The following MMD2 variants were observed in gnomAD, a reference collection of about 807,000 sequenced individuals.
MMD2 encodes the protein monocyte to macrophage differentiation associated 2, also known as monocyte to macrophage differentiation factor 2.
Under a neutral mutation model 33.5 loss-of-function variants are expected in MMD2, and 30 were observed. The observed-to-expected ratio is 0.90, with a 90% CI of 0.67 to 1.22. The LOEUF is 1.22. Ranked by LOEUF, MMD2 falls within the 50% of genes most tolerant of loss-of-function variation. MMD2 has a pLI of 0.00. For missense variants in MMD2, 364 were observed against 325.4 expected (o/e 1.12, Z -0.91); for synonymous variants, 129 against 123.0 (o/e 1.05, Z -0.32).
intron 1 of MMD2, among the ~76,000 whole-genome samples, chr7:4,933,929 G>A (rs1459582803): frequency 2.1e-5 from 3 of 144,566 alleles, no homozygotes; most frequent in Non-Finnish European, 3.0e-5. Flanking sequence ...CACTGTGCCC[G>A]GCCACAATGC....
Position 4,920,300 on chromosome 7 carries a change from G to C in MMD2, c.161C>G (p.Ser54Cys), listed in dbSNP as rs575756752. Residue 54 changes from serine (S) to cysteine (C), a missense_variant, in exon 3 of 7, where the codon TCC (serine) becomes TGC (cysteine). Coordinates refer to ENST00000401401, the MANE Select transcript of MMD2 (RefSeq NM_198403.4). Reference protein sequence around the residue: ...FWIIPSILGSSNLYFLSDDDW... With the variant: ...FWIIPSILGSCNLYFLSDDDW... ...ATCGTCCGACAGGAAGTAGAGGTTG[G>C]AGCTGCCCAGGATGCTGGGGATGAT... 2 of 1,609,418 alleles carry C rather than the reference G, an allele frequency of 1.2e-6. No homozygotes were observed. Among genetic ancestry groups the C allele is most frequent in the South Asian group, 1.1e-5 (1 of 89,638 alleles).
At chr7:4,928,492 G>A (rs1033678106) in intron 1 of MMD2, among the ~76,000 whole-genome samples, 8 of 150,762 alleles carry the variant, frequency 5.3e-5, no homozygotes, top group African/African-American at 2.0e-4. Flanking sequence ...CAGTTACAGA[G>A]CCTTCATTGA....
At chr7:4,916,681 C>A (rs137857510) in intron 3 of MMD2, among the ~76,000 whole-genome samples, 6 of 152,142 alleles carry the variant, frequency 3.9e-5, no homozygotes, top group African/African-American at 1.4e-4. Flanking sequence ...CCGCACCTGG[C>A]CATCCTCCCC....
At chr7:4,912,783 G>A (rs1785048602) in intron 4 of MMD2, among the ~76,000 whole-genome samples, 1 of 151,966 alleles carries the variant, frequency 6.6e-6, no homozygotes, top group Non-Finnish European at 1.5e-5. Context: ...TCAGCTCACT[G>A]CACCCTTCGC....
rs75477443 is a variant in MMD2 at position 4,917,702 on chromosome 7, AT to A, written c.291-1624del. The stretch of plus-strand genomic sequence containing the variant: ...AGTGAAACTCTGTCTCAAAAAAAAA[AT>A]AAAAAATAGATAAATAATAAAAATA... On this transcript the variant is annotated intron_variant, in intron 3 of 6. Coordinates refer to ENST00000401401, the MANE Select transcript of MMD2 (RefSeq NM_198403.4). Among the ~76,000 whole-genome samples the A allele has an allele frequency of 3.2e-3, 485 of 150,916 alleles. 4 individuals are homozygous for A. Among genetic ancestry groups the A allele is most frequent in the South Asian group, 0.012 (55 of 4,756 alleles).
chr7:4,906,459 TATGG>T lies in MMD2; in HGVS notation c.*933_*936del. 1 of 398,610 alleles carries T rather than the reference TATGG, an allele frequency of 2.5e-6. No individual in the cohort carries two copies. Among genetic ancestry groups the T allele is most frequent in the Admixed American group, 4.4e-5 (1 of 22,740 alleles). The allele number at this position is 398,610 out of a possible 1,614,324, so 24.7% of individuals were successfully genotyped here. On this transcript the variant is annotated 3_prime_UTR_variant, in exon 7 of 7. Transcript: ENST00000401401. ...AAATGTTGGCATCACAAACCTTAAGTATGGAGCAGGGAGCAAGTGCCTGGGGGCT... is the reference window on the plus strand; with the variant it reads ...AAATGTTGGCATCACAAACCTTAAGTAGCAGGGAGCAAGTGCCTGGGGGCT...
intron 1 of MMD2, among the ~76,000 whole-genome samples, chr7:4,932,101 G>A (rs954247557): frequency 1.3e-5 from 2 of 152,186 alleles, no homozygotes; most frequent in Admixed American, 6.6e-5. Context: ...AACCACCAAG[G>A]GTGCCAGCCA....
chr7:4,909,208 G>A lies in MMD2; in HGVS notation c.537+673C>T, dbSNP rs540135555. Among the ~76,000 whole-genome samples the A allele has an allele frequency of 1.5e-3, 232 of 152,118 alleles. 2 individuals carry two copies. Among genetic ancestry groups the A allele is most frequent in the African/African-American group, 5.2e-3 (215 of 41,490 alleles). ...TTGTTCTTAGTGAAAGAAACTCTCC[G>A]CAGGGCACGGTAGCTCATGCCTGTA... On this transcript the variant is annotated intron_variant, in intron 6 of 6. Transcript: ENST00000401401.
chr7:4,924,263 G>A (rs1233744413), intron 2 of MMD2, among the ~76,000 whole-genome samples: 2 of 152,216 alleles, frequency 1.3e-5, no homozygotes, highest in Non-Finnish European at 2.9e-5. Flanking sequence ...CACACACTAA[G>A]TTCGAATCAG....
chr7:4,954,504 G>A lies in MMD2; in HGVS notation c.47+4467C>T, dbSNP rs1043187949. Among the ~76,000 whole-genome samples, 8 of 151,448 alleles carry A rather than the reference G, an allele frequency of 5.3e-5. No individual in the cohort carries two copies. The South Asian group carries it at 6.3e-4, about 12-fold the overall frequency. ...TCAGTCTCAGCTCATTTGCAGCCTC[G>A]ATCCCCAGGCTCAAGCAAGCCTCCC... On this transcript the variant is annotated intron_variant, in intron 1 of 6. Coordinates refer to ENST00000401401, the MANE Select transcript of MMD2 (RefSeq NM_198403.4).
At chr7:4,928,065 C>T (rs980191376) in intron 1 of MMD2, among the ~76,000 whole-genome samples, 26 of 152,290 alleles carry the variant, frequency 1.7e-4, no homozygotes, top group African/African-American at 6.3e-4. Context: ...GACCAGCAGC[C>T]GGGACCACAG....
At chr7:4,930,656 G>C (rs866721706) in intron 1 of MMD2, among the ~76,000 whole-genome samples, 2 of 64,564 alleles carry the variant, frequency 3.1e-5, no homozygotes, top group Non-Finnish European at 6.1e-5. Context: ...AAAAAAAAAA[G>C]AGGAAAGAGA....
chr7:4,892,615 T>TC, the MMD2 span, among the ~76,000 whole-genome samples: 26 of 150,874 alleles, frequency 1.7e-4, no homozygotes, highest in East Asian at 2.3e-3. Flanking sequence ...AATAAATAAA[T>TC]AAATCTGAAA....
intron 1 of MMD2, among the ~76,000 whole-genome samples, chr7:4,937,433 A>G (rs1481611751): frequency 6.6e-6 from 1 of 151,900 alleles, no homozygotes. Flanking sequence ...AGAAAGAGAA[A>G]GAAAGAAAGG....
rs57731564 is a variant in MMD2 at position 4,930,645 on chromosome 7, C to CAAAAAAA, written c.48-5120_48-5114dup. Among the ~76,000 whole-genome samples the CAAAAAAA allele has an allele frequency of 1.0e-4, 12 of 120,538 alleles. 2 individuals carry two copies. The highest frequency in any genetic ancestry group is 5.1e-5 in the Non-Finnish European group (3 of 59,384). The allele number at this position is 120,538 out of a possible 152,430, so 79.1% of individuals were successfully genotyped here. On this transcript the variant is annotated intron_variant, in intron 1 of 6. Coordinates refer to ENST00000401401, the MANE Select transcript of MMD2 (RefSeq NM_198403.4). ...GGCAACAAGAGCGAGACTCTGTCTCCAAAAAAAAAAGAGGAAAGAGACAGA... is the reference window on the plus strand; with the variant it reads ...GGCAACAAGAGCGAGACTCTGTCTCCAAAAAAAAAAAAAAAAAGAGGAAAGAGACAGA...
chr7:4,907,959 A>C (rs1490121920), intron 6 of MMD2, among the ~76,000 whole-genome samples: 2 of 151,522 alleles, frequency 1.3e-5, no homozygotes, highest in Non-Finnish European at 2.9e-5. Context: ...CCCATGGCAC[A>C]ACCATGCCTG....
At chr7:4,922,503 T>C (rs1374909207) in intron 2 of MMD2, among the ~76,000 whole-genome samples, 1 of 152,174 alleles carries the variant, frequency 6.6e-6, no homozygotes. Context: ...CTATCCATGC[T>C]ACTTCATAAT....
At chr7:4,918,266 A>G (rs186710587) in intron 3 of MMD2, among the ~76,000 whole-genome samples, 15 of 152,320 alleles carry the variant, frequency 9.8e-5, no homozygotes, top group African/African-American at 3.4e-4. Flanking sequence ...GCAATCACTG[A>G]CCAGTACAAA....
rs763044153 is a variant in MMD2 at position 4,911,239 on chromosome 7, G to A, written c.373C>T (p.Leu125Phe). 21 of 1,587,356 alleles carry A rather than the reference G, an allele frequency of 1.3e-5. No homozygotes were observed. The highest frequency in any genetic ancestry group is 1.1e-5 in the Non-Finnish European group (13 of 1,167,434). ...GAGGCCCAGGGGCCCAGCTCCCGAA[G>A]GTTCAGCCTGGGAGAGAAAGAGCCA... Reference protein sequence around the residue: ...IAASYAPWLNLRELGPWASHM... With the variant: ...IAASYAPWLNFRELGPWASHM... Residue 125 changes from leucine to phenylalanine, a missense_variant, in exon 5 of 7, where the codon CTT becomes TTT. By Grantham distance (22) the Leu-to-Phe change is conservative (BLOSUM62 0). Transcript: ENST00000401401.
Sources: allele counts gnomAD v4.1 joint callset (sites outside exome capture counted in the v4.1 genomes callset), GRCh38; gene constraint gnomAD v4.1.1; transcripts MANE v1.5; gene names NCBI Gene and HGNC (gene_info 2026-07-23, HGNC 2026-07-21).